The following IGFBP5 variants were observed in gnomAD, a reference collection of about 807,000 sequenced individuals.
IGFBP5 encodes the protein insulin-like growth factor-binding protein 5.
In IGFBP5, 12 loss-of-function variants were observed where a neutral mutation model predicts 28.0. The observed-to-expected ratio is 0.43, with a 90% CI of 0.27 to 0.69. IGFBP5 has a LOEUF of 0.69. Ranked by LOEUF, IGFBP5 falls within the 30% of genes least tolerant of loss-of-function variation. IGFBP5 has a pLI of 0.20. For missense variants in IGFBP5, 344 were observed against 381.6 expected, an observed-to-expected ratio of 0.90 and a Z score of 0.82; for synonymous variants, 152 against 150.2, an observed-to-expected ratio of 1.01 and a Z score of -0.09.
At chr2:216,687,421 C>A (rs982190958) in intron 1 of IGFBP5, among the ~76,000 whole-genome samples, 1 of 152,186 alleles carries the variant, frequency 6.6e-6, no homozygotes, top group African/African-American at 2.4e-5. Flanking sequence ...GGGCTGAGGT[C>A]CCCCTTACAT....
At chr2:216,693,018 C>T (rs749110708) in intron 1 of IGFBP5, among the ~76,000 whole-genome samples, 27 of 152,102 alleles carry the variant, frequency 1.8e-4, no homozygotes, top group Non-Finnish European at 3.2e-4. Context: ...AAGGGGATTG[C>T]CCCCGTAACT....
chr2:216,694,407 G>A lies in IGFBP5; in HGVS notation c.337+32C>T, dbSNP rs1413463356. ...GTCTCGTGTCCCCCGCCCGTGCGCC[G>A]CGTAACTGACTGGCACACTGAGCGC... is the stretch of plus-strand genomic sequence containing the variant. On this transcript the variant is annotated intron_variant, in intron 1 of 3. Transcript: ENST00000233813. The surrounding 1 kb of genome is among the most constrained non-coding windows in gnomAD (Gnocchi z 5.2). 3 of 1,455,696 alleles carry A rather than the reference G, an allele frequency of 2.1e-6. No homozygotes were observed. Among genetic ancestry groups the A allele is most frequent in the African/African-American group, 2.9e-5 (2 of 68,740 alleles). 90.2% of individuals were successfully genotyped at this position (1,455,696 alleles called of 1,614,324 possible). A position where few individuals can be genotyped will look rare whatever the true frequency, so the allele number is the denominator to read the frequency against.
Position 216,687,591 on chromosome 2 carries a change from C to T in IGFBP5, c.337+6848G>A, listed in dbSNP as rs558542343. ...AGGAAATACACACTGATGCACAAGTCCCTGGCTGAGAATCTCCAGCCAAGC... is the reference window on the plus strand; with the variant it reads ...AGGAAATACACACTGATGCACAAGTTCCTGGCTGAGAATCTCCAGCCAAGC... On this transcript the variant is annotated intron_variant, in intron 1 of 3. Coordinates refer to ENST00000233813, the MANE Select transcript of IGFBP5 (RefSeq NM_000599.4). Among the ~76,000 whole-genome samples the T allele has an allele frequency of 9.4e-4, 143 of 152,290 alleles. 1 individual carries two copies. The highest frequency in any genetic ancestry group is 3.3e-3 in the African/African-American group (138 of 41,540).
Position 216,692,402 on chromosome 2 carries a change from T to TGA in IGFBP5, c.337+2035_337+2036dup, listed in dbSNP as rs1553551898. Among the ~76,000 whole-genome samples the TGA allele has an allele frequency of 6.0e-5, 9 of 149,116 alleles. No homozygotes were observed. The highest frequency in any genetic ancestry group is 8.9e-5 in the Non-Finnish European group (6 of 67,328). ...GTGTGTGTGTGTGTGTGTGTGTGTGTGATGCGCCCTCCGTGCTCGCCTAGC... is the reference window on the plus strand; with the variant it reads ...GTGTGTGTGTGTGTGTGTGTGTGTGTGAGATGCGCCCTCCGTGCTCGCCTAGC... On this transcript the variant is annotated intron_variant, in intron 1 of 3. Coordinates refer to ENST00000233813, the MANE Select transcript of IGFBP5 (RefSeq NM_000599.4). This position sits in a 1 kb window ranked among gnomAD's most constrained non-coding sequence, Gnocchi z 4.2.
intron 1 of IGFBP5, among the ~76,000 whole-genome samples, chr2:216,683,639 T>G (rs1478229494): frequency 6.6e-6 from 1 of 152,150 alleles, no homozygotes; most frequent in Non-Finnish European, 1.5e-5. Flanking sequence ...GAGAGACATA[T>G]TCCAGACTTC....
In IGFBP5 at chr2:216,675,917, C is replaced by T. The variant is rs1014442304; in HGVS notation, c.*834G>A. ...CACGCTTCAGCATGTACTGTAGTCA[C>T]CGTGGAAGAACAAGTCTTTCCAATA... is the stretch of plus-strand genomic sequence containing the variant. On this transcript the variant is annotated 3_prime_UTR_variant, in exon 4 of 4. Transcript: ENST00000233813. 3 of 152,038 alleles carry T rather than the reference C, an allele frequency of 2.0e-5. No individual in the cohort carries two copies. The highest frequency in any genetic ancestry group is 7.3e-5 in the African/African-American group (3 of 41,286). 9.4% of individuals were successfully genotyped at this position (152,038 alleles called of 1,614,324 possible). A position where few individuals can be genotyped will look rare whatever the true frequency, so the allele number is the denominator to read the frequency against.
rs1411239440 is a variant in IGFBP5, at chr2:216,678,042, A to T, written c.687+70T>A. 2.9e-6 allele frequency: 4 copies of T among 1,360,064 alleles called. No individual in the cohort carries two copies. The East Asian group carries it at 8.1e-5, about 28-fold the overall frequency. 84.2% of individuals were successfully genotyped at this position (1,360,064 alleles called of 1,614,324 possible). A position where few individuals can be genotyped will look rare whatever the true frequency, so the allele number is the denominator to read the frequency against. On this transcript the variant is annotated intron_variant, in intron 3 of 3. Coordinates refer to ENST00000233813, the MANE Select transcript of IGFBP5 (RefSeq NM_000599.4). ...CGGTGGAAACCTTAGGCACTTGCCC[A>T]AGGTGGAGTTTCCTGGCAGGTGCCA...
At chr2:216,681,754 C>A (rs1688979984) in intron 1 of IGFBP5, among the ~76,000 whole-genome samples, 1 of 152,098 alleles carries the variant, frequency 6.6e-6, no homozygotes, top group Admixed American at 6.5e-5. Context: ...TCTCTTTGGC[C>A]TTGGGGGACA....
rs1038907434 is a variant in IGFBP5, at chr2:216,672,445, CAG to C, written c.*4304_*4305del. ...GTTGAAAACAAAAAAGAGGAGAGAA[CAG>C]AGTTATGGTATGAATGTATGTAAAA... On this transcript the variant is annotated 3_prime_UTR_variant, in exon 4 of 4. Coordinates refer to ENST00000233813, the MANE Select transcript of IGFBP5 (RefSeq NM_000599.4). 1 of 146,702 alleles carries C rather than the reference CAG, an allele frequency of 6.8e-6. No homozygotes were observed. Among genetic ancestry groups the C allele is most frequent in the African/African-American group, 2.5e-5 (1 of 39,480 alleles). 9.1% of individuals were successfully genotyped at this position (146,702 alleles called of 1,614,324 possible).
rs1480644259 is a variant in IGFBP5, at chr2:216,675,649, C to A, written c.*1102G>T. 6.6e-6 allele frequency: 1 copy of A among 152,118 alleles called. No individual in the cohort carries two copies. The highest frequency in any genetic ancestry group is 2.4e-5 in the African/African-American group (1 of 41,404). The allele number at this position is 152,118 out of a possible 1,614,324, so 9.4% of individuals were successfully genotyped here. A position where few individuals can be genotyped will look rare whatever the true frequency, so the allele number is the denominator to read the frequency against. On this transcript the variant is annotated 3_prime_UTR_variant, in exon 4 of 4. Transcript: ENST00000233813. ...TGTATTAGGAGAATATGGGTTTTCT[C>A]AGTTTTCCCAGAATGAGGAAGCTCC...
Position 216,692,288 on chromosome 2 carries a change from G to A in IGFBP5, c.337+2151C>T, listed in dbSNP as rs1451359352. Among the ~76,000 whole-genome samples, 2 of 151,962 alleles carry A rather than the reference G, an allele frequency of 1.3e-5. No homozygotes were observed. The highest frequency in any genetic ancestry group is 4.8e-5 in the African/African-American group (2 of 41,390). On this transcript the variant is annotated intron_variant, in intron 1 of 3. Transcript: ENST00000233813. The surrounding 1 kb of genome is among the most constrained non-coding windows in gnomAD (Gnocchi z 4.2). ...AGAGGCGGCTTCGGGTTGGCCCAAA[G>A]GCACTCAGAAGGTGGGGGTTGAGCA... is the stretch of plus-strand genomic sequence containing the variant.
chr2:216,686,864 A>T (rs1395525788), intron 1 of IGFBP5, among the ~76,000 whole-genome samples: 1 of 151,326 alleles, frequency 6.6e-6, no homozygotes, highest in Non-Finnish European at 1.5e-5. Flanking sequence ...TGATCCACCC[A>T]CCTCAGCCTC....
At chr2:216,691,427 C>A (rs369892752) in intron 1 of IGFBP5, among the ~76,000 whole-genome samples, 57 of 23,182 alleles carry the variant, frequency 2.5e-3, no homozygotes, top group African/African-American at 7.2e-3. Flanking sequence ...GAAAGCAAAC[C>A]CAGTACTTCC....
At chr2:216,691,401 C>T (rs1250488343) in intron 1 of IGFBP5, among the ~76,000 whole-genome samples, 1 of 132,300 alleles carries the variant, frequency 7.6e-6, no homozygotes, top group Non-Finnish European at 1.6e-5. Context: ...AACCTCATTC[C>T]CCACCAAAAA....
rs572717120 is a variant in IGFBP5 at position 216,692,024 on chromosome 2, T to C, written c.337+2415A>G. On this transcript the variant is annotated intron_variant, in intron 1 of 3. Transcript: ENST00000233813. The surrounding 1 kb of genome is among the most constrained non-coding windows in gnomAD (Gnocchi z 4.2). Reference sequence around the variant, plus strand: ...CAAAAGGGCACTCTCCCTCTCTCTGTCCATTTCTCTCTCCTTAAGAACGGT... The same window carrying C: ...CAAAAGGGCACTCTCCCTCTCTCTGCCCATTTCTCTCTCCTTAAGAACGGT... 8.0e-4 allele frequency among the ~76,000 whole-genome samples: 121 copies of C among 152,066 alleles called. No homozygotes were observed. The highest frequency in any genetic ancestry group is 2.9e-3 in the African/African-American group (120 of 41,454).
chr2:216,675,480 G>A lies in IGFBP5; in HGVS notation c.*1271C>T, dbSNP rs1381053935. 1 of 152,410 alleles carries A rather than the reference G, an allele frequency of 6.6e-6. No individual in the cohort carries two copies. The highest frequency in any genetic ancestry group is 1.5e-5 in the Non-Finnish European group (1 of 68,086). 9.4% of individuals were successfully genotyped at this position (152,410 alleles called of 1,614,324 possible). A position where few individuals can be genotyped will look rare whatever the true frequency, so the allele number is the denominator to read the frequency against. On this transcript the variant is annotated 3_prime_UTR_variant, in exon 4 of 4. Transcript: ENST00000233813. Reference sequence around the variant, plus strand: ...GGCGCGTGCTGTGTGCACCACGGAGGGCTGGCCTCTGCCTGGCTCGGTGGG... The same window carrying A: ...GGCGCGTGCTGTGTGCACCACGGAGAGCTGGCCTCTGCCTGGCTCGGTGGG...
In IGFBP5 at chr2:216,679,286, C is replaced by T. The variant is rs1688942697; in HGVS notation, c.338-207G>A. On this transcript the variant is annotated intron_variant, in intron 1 of 3. Coordinates refer to ENST00000233813, the MANE Select transcript of IGFBP5 (RefSeq NM_000599.4). The surrounding 1 kb of genome is among the most constrained non-coding windows in gnomAD (Gnocchi z 4.6). The stretch of plus-strand genomic sequence containing the variant: ...TAAGTGGCAGGAAGTTTCTGGCATG[C>T]TTGGAGTCAAGCAGAGAGTGCAGGC... 1.6e-6 allele frequency: 1 copy of T among 612,278 alleles called. No individual in the cohort carries two copies. The highest frequency in any genetic ancestry group is 3.0e-6 in the Non-Finnish European group (1 of 336,134). 37.9% of individuals were successfully genotyped at this position (612,278 alleles called of 1,614,324 possible).
Position 216,679,105 on chromosome 2 carries a change from AG to A in IGFBP5, c.338-27del, listed in dbSNP as rs1688940073. The stretch of plus-strand genomic sequence containing the variant: ...CTGCAGGAGAAGGAGCCGGAGGGTC[AG>A]CCCCCGTGGGCCAAGGTGCACACGG... On this transcript the variant is annotated intron_variant, in intron 1 of 3. Coordinates refer to ENST00000233813, the MANE Select transcript of IGFBP5 (RefSeq NM_000599.4). The surrounding 1 kb of genome is among the most constrained non-coding windows in gnomAD (Gnocchi z 4.6). 3 of 1,605,688 alleles carry A rather than the reference AG, an allele frequency of 1.9e-6. No individual in the cohort carries two copies. The highest frequency in any genetic ancestry group is 1.7e-5 in the Admixed American group (1 of 59,916).
At chr2:216,693,755 GT>G (rs1689131378) in intron 1 of IGFBP5, among the ~76,000 whole-genome samples, 1 of 151,960 alleles carries the variant, frequency 6.6e-6, no homozygotes, top group Admixed American at 6.6e-5. Flanking sequence ...TCATTTTGCA[GT>G]TAAATATGTT....
Sources: allele counts gnomAD v4.1 joint callset (sites outside exome capture counted in the v4.1 genomes callset), GRCh38; gene constraint gnomAD v4.1.1; non-coding constraint Gnocchi (gnomAD v3.1); transcripts MANE v1.5; gene names NCBI Gene and HGNC (gene_info 2026-07-23, HGNC 2026-07-21).